Variants in EVC observed in about 807,000 individuals in gnomAD.
EVC encodes the protein evC complex member EVC.
In EVC, 116 loss-of-function variants were observed where a neutral mutation model predicts 118.9. The observed-to-expected ratio is 0.98, with a 90% CI of 0.84 to 1.14. The LOEUF (loss-of-function observed/expected upper bound fraction) is 1.14, where lower values mean the gene tolerates loss of function less well. EVC is among the 50% of genes most tolerant of loss of function. The pLI, the probability that EVC is intolerant of heterozygous loss-of-function variation, is 0.00. For synonymous variants in EVC, 619 were observed against 534.7 expected, an observed-to-expected ratio of 1.16 and a Z score of -2.18; for missense variants, 1,401 against 1,246.4, an observed-to-expected ratio of 1.12 and a Z score of -1.87.
At chr4:5,826,138 T>TCATACA in the EVC span, 7,351 of 164,494 alleles carry the variant, frequency 0.045, 188 homozygotes, top group African/African-American at 0.062. Context: ...ACACGCATAC[T>TCATACA]CATACACACA....
chr4:5,816,417 C>T (rs1305297031), downstream of EVC, among the ~76,000 whole-genome samples: 2 of 152,196 alleles, frequency 1.3e-5, no homozygotes, highest in African/African-American at 4.8e-5. Flanking sequence ...CCAGTGCCTG[C>T]AAGAGGCAGG....
At chr4:5,729,456 A>G in intron 3 of EVC, 66 bp downstream of exon 3, 1 of 1,428,540 alleles carries the variant, frequency 7.0e-7, no homozygotes, top group Non-Finnish European at 9.9e-7. Context: ...ATTGGGAGGA[A>G]AGTGGGGGGA....
rs952757087 is a variant in EVC, at chr4:5,711,471, G to A, written c.91G>A (p.Ala31Thr). ...GCCGGCGCCCGCCCTGCTGGCCCCC[G>A]CCGTGCTGCTGGGCGCCGCGCTCGG... is the stretch of plus-strand genomic sequence containing the variant. Reference protein sequence around the residue: ...LRPAPALLAPAVLLGAALGLG... With the variant: ...LRPAPALLAPTVLLGAALGLG... Residue 31 changes from alanine (A) to threonine (T), a missense_variant, in exon 1 of 21, where the codon GCC becomes ACC. By Grantham distance (58) the Ala-to-Thr change is moderately conservative. Coordinates refer to ENST00000264956, the MANE Select transcript of EVC (RefSeq NM_153717.3). The A allele has an allele frequency of 4.6e-5, 49 of 1,070,884 alleles. No homozygotes were observed. In the African/African-American group the frequency reaches 7.8e-4, roughly 17 times the overall value. The allele number at this position is 1,070,884 out of a possible 1,614,324, so 66.3% of individuals were successfully genotyped here.
intron 11 of EVC, among the ~76,000 whole-genome samples, chr4:5,768,579 G>T (rs960580551): frequency 6.6e-6 from 1 of 152,086 alleles, no homozygotes; most frequent in African/African-American, 2.4e-5. Context: ...ATTCTCGGCT[G>T]GGCACAGTGG....
chr4:5,825,294 A>AACATGGACCCCCCTCTGCTTGGTG, the EVC span: 2 of 985,062 alleles, frequency 2.0e-6, no homozygotes, highest in Admixed American at 6.2e-5. This position sits in a 1 kb window ranked among gnomAD's most constrained non-coding sequence, Gnocchi z 4.4. Context: ...TTGCCCCCCT[A>AACATGGACCCCCCTCTGCTTGGTG]ACATGGACCC....
In EVC at chr4:5,746,507, AG is replaced by A. The variant is rs1468340994; in HGVS notation, c.939+1168del. ...TCCTCTGAATAGGTCCAATATTGAG[AG>A]GAGAGGCTTGGAGATGGAGGGTCTC... On this transcript the variant is annotated intron_variant, in intron 7 of 20. Transcript: ENST00000264956. This position sits in a 1 kb window ranked among gnomAD's most constrained non-coding sequence, Gnocchi z 5.8. Among the ~76,000 whole-genome samples the A allele has an allele frequency of 1.3e-5, 2 of 152,066 alleles. No homozygotes were observed. The highest frequency in any genetic ancestry group is 4.8e-5 in the African/African-American group (2 of 41,412).
At chr4:5,805,287 T>C (rs1715682431) in intron 17 of EVC, among the ~76,000 whole-genome samples, 1 of 151,898 alleles carries the variant, frequency 6.6e-6, no homozygotes, top group Non-Finnish European at 1.5e-5. Context: ...TCACAATGAG[T>C]GCAAATGTAA....
Position 5,733,407 on chromosome 4 carries a change from A to C in EVC, c.674A>C (p.Asp225Ala). 1.9e-6 allele frequency: 3 copies of C among 1,614,076 alleles called. No homozygotes were observed. Among genetic ancestry groups the C allele is most frequent in the Non-Finnish European group, 2.5e-6 (3 of 1,179,972 alleles). ...SLHLKDLLHL[D>A]TALRQEKHMM... ...CACTTAAAAGACCTGCTGCATTTGGACACGGCACTGAGGCAGGAAAAGCAT... is the reference window on the plus strand; with the variant it reads ...CACTTAAAAGACCTGCTGCATTTGGCCACGGCACTGAGGCAGGAAAAGCAT... The change falls in exon 5 of 21, where the codon GAC (aspartate) becomes GCC (alanine). Residue 225 changes from aspartate (D) to alanine (A), a missense_variant. Physicochemically the swap from Asp to Ala is moderately radical, Grantham distance 126. Transcript: ENST00000264956.
At chr4:5,816,898 T>G (rs1717793114), downstream of EVC, among the ~76,000 whole-genome samples, 1 of 152,150 alleles carries the variant, frequency 6.6e-6, no homozygotes, top group Admixed American at 6.5e-5. Context: ...CAGGCTTAGT[T>G]GACCCTTCAA....
chr4:5,761,854 G>T (rs1296331777), intron 11 of EVC, among the ~76,000 whole-genome samples: 2 of 151,692 alleles, frequency 1.3e-5, no homozygotes, highest in East Asian at 1.9e-4. Flanking sequence ...TTTCTCTGGG[G>T]TCCCATTGGC....
At chr4:5,726,595 A>ATTTTTTT (rs1725863401) in intron 2 of EVC, among the ~76,000 whole-genome samples, 1 of 116,144 alleles carries the variant, frequency 8.6e-6, no homozygotes, top group Non-Finnish European at 1.8e-5. Context: ...TTATACTTTA[A>ATTTTTTT]GTTTTAGGGT....
intron 12 of EVC, among the ~76,000 whole-genome samples, chr4:5,790,903 G>T (rs1712648199): frequency 6.6e-6 from 1 of 152,148 alleles, no homozygotes; most frequent in Non-Finnish European, 1.5e-5. Context: ...AGACCAGCCT[G>T]TCCAACATGG....
chr4:5,802,228 A>G, intron 16 of EVC, 134 bp downstream of exon 16: 1 of 1,296,784 alleles, frequency 7.7e-7, no homozygotes, highest in Non-Finnish European at 1.1e-6. Flanking sequence ...TAATGTATTT[A>G]TCCCGTGCTT....
chr4:5,822,752 C>CTG, the EVC span, among the ~76,000 whole-genome samples: 1 of 152,302 alleles, frequency 6.6e-6, no homozygotes, highest in South Asian at 2.1e-4. Context: ...AGCAAATAAG[C>CTG]TGTAAGTCTG....
rs1029587668 is a variant in EVC, at chr4:5,798,242, C to G, written c.2098-344C>G. ...TCTGCTGTGTGACTTTAGAAAGTTACTTAACTTCTCTGAGCCTTCGTGTCC... is the reference window on the plus strand; with the variant it reads ...TCTGCTGTGTGACTTTAGAAAGTTAGTTAACTTCTCTGAGCCTTCGTGTCC... On this transcript the variant is annotated intron_variant, in intron 14 of 20. Transcript: ENST00000264956. The surrounding 1 kb of genome is among the most constrained non-coding windows in gnomAD (Gnocchi z 4.1). 4.6e-5 allele frequency among the ~76,000 whole-genome samples: 7 copies of G among 152,200 alleles called. No individual in the cohort carries two copies. The highest frequency in any genetic ancestry group is 3.3e-4 in the Admixed American group (5 of 15,286).
chr4:5,828,753 T>C, the EVC span: 1 of 1,470,348 alleles, frequency 6.8e-7, no homozygotes, highest in Admixed American at 2.2e-5. Flanking sequence ...CCTAACATTA[T>C]ATCATAAGCG....
At position 5,783,672 on chromosome 4, in the gene EVC, C is replaced by T. The variant is rs751772225; in HGVS notation, c.1684C>T (p.Gln562Ter). 1.2e-6 allele frequency: 2 copies of T among 1,614,128 alleles called. No individual in the cohort carries two copies. The highest frequency in any genetic ancestry group is 2.2e-5 in the South Asian group (2 of 91,076). The change falls in exon 12 of 21, where the codon CAG (glutamine) becomes TAG (stop). Residue 562 changes from glutamine (Q) to a stop codon, truncating the protein, a stop_gained. Coordinates refer to ENST00000264956, the MANE Select transcript of EVC (RefSeq NM_153717.3). LOFTEE classifies it high-confidence loss of function. Reference protein sequence around the residue: ...EECDYLRQEVQENAAWQLGKS... With the variant: ...EECDYLRQEV ...GTGTGACTACTTGAGGCAGGAAGTC[C>T]AGGAGAACGCTGCCTGGCAGCTGGG...
rs372893834 is a variant in EVC, at chr4:5,753,908, C to G, written c.1439C>G (p.Thr480Ser). The G allele has an allele frequency of 4.3e-6, 7 of 1,613,472 alleles. No homozygotes were observed. The African/African-American group carries it at 9.3e-5, about 22-fold the overall frequency. Reference protein sequence around the residue: ...QRSFLAEAQPTADPEKFLEAF... With the variant: ...QRSFLAEAQPSADPEKFLEAF... Reference sequence around the variant, plus strand: ...AGCTTCCTGGCTGAGGCCCAGCCGACTGCTGACCCGGAAAAGTTTCTCGAG... The same window carrying G: ...AGCTTCCTGGCTGAGGCCCAGCCGAGTGCTGACCCGGAAAAGTTTCTCGAG... The change falls in exon 10 of 21, where the codon ACT becomes AGT. Residue 480 changes from threonine to serine, a missense_variant. Thr to Ser is a moderately conservative substitution (Grantham distance 58, BLOSUM62 1). Coordinates refer to ENST00000264956, the MANE Select transcript of EVC (RefSeq NM_153717.3).
intron 2 of EVC, among the ~76,000 whole-genome samples, chr4:5,720,706 C>G (rs754827861): frequency 6.6e-6 from 1 of 152,096 alleles, no homozygotes; most frequent in African/African-American, 2.4e-5. Context: ...CCAACGTGGA[C>G]GGGGGGAGAG....
Sources: allele counts gnomAD v4.1 joint callset (sites outside exome capture counted in the v4.1 genomes callset), GRCh38; gene constraint gnomAD v4.1.1; non-coding constraint Gnocchi (gnomAD v3.1); transcripts MANE v1.5; gene names NCBI Gene and HGNC (gene_info 2026-07-23, HGNC 2026-07-21).